Variants in DGKB observed in about 807,000 individuals in gnomAD.
DGKB encodes 90 kDa diacylglycerol kinase.
Under a neutral mutation model 114.3 loss-of-function variants are expected in DGKB, and 67 were observed. The ratio of observed to expected loss-of-function variants is 0.59; its 90% confidence interval spans 0.48 to 0.72. DGKB has a LOEUF of 0.72. DGKB is among the 30% of genes least tolerant of loss of function. The pLI is 0.00. For missense variants in DGKB, 907 were observed against 975.2 expected (o/e 0.93, Z 0.93); for synonymous variants, 398 against 323.1 (o/e 1.23, Z -2.49).
chr7:14,724,577 G>A (rs1006092246), intron 5 of DGKB, among the ~76,000 whole-genome samples: 5 of 152,178 alleles, frequency 3.3e-5, no homozygotes, highest in Non-Finnish European at 7.3e-5. Flanking sequence ...ACAGGGAGAA[G>A]GACTTAAAGT....
chr7:14,455,686 C>G (rs1032380304), intron 21 of DGKB, among the ~76,000 whole-genome samples: 3 of 151,902 alleles, frequency 2.0e-5, no homozygotes, highest in Admixed American at 6.6e-5. Flanking sequence ...GTAATTGAGT[C>G]GGAACATTTA....
At chr7:14,535,350 CAG>C (rs1792267210) in intron 20 of DGKB, among the ~76,000 whole-genome samples, 1 of 137,974 alleles carries the variant, frequency 7.2e-6, no homozygotes, top group Non-Finnish European at 1.5e-5. Flanking sequence ...GCCTGGGTGA[CAG>C]AGTAAGGCCC....
intron 2 of DGKB, among the ~76,000 whole-genome samples, chr7:14,773,063 A>G (rs1837650555): frequency 6.6e-6 from 1 of 152,158 alleles, no homozygotes; most frequent in African/African-American, 2.4e-5. Flanking sequence ...TTAACATATT[A>G]TTTATTCTTC....
At chr7:14,839,526 C>T (rs995141481) in intron 2 of DGKB, among the ~76,000 whole-genome samples, 1 of 151,304 alleles carries the variant, frequency 6.6e-6, no homozygotes, top group Non-Finnish European at 1.5e-5. Flanking sequence ...CTCAGCCTGC[C>T]AAGTAGCTGG....
At chr7:14,923,898 G>C (rs12154327) in intron 1 of DGKB, among the ~76,000 whole-genome samples, 5,364 of 148,166 alleles carry the variant, frequency 0.036, 145 homozygotes, top group Non-Finnish European at 0.05. Context: ...GGGAGGCTGA[G>C]GCAGGAGAAT....
intron 17 of DGKB, among the ~76,000 whole-genome samples, chr7:14,593,128 C>T (rs1176948985): frequency 1.3e-5 from 2 of 151,822 alleles, no homozygotes; most frequent in Admixed American, 1.3e-4. Context: ...TTCCAGTGGG[C>T]CATTAATAAC....
intron 13 of DGKB, among the ~76,000 whole-genome samples, chr7:14,646,423 A>C (rs1436474646): frequency 1.3e-5 from 2 of 152,154 alleles, no homozygotes; most frequent in Non-Finnish European, 2.9e-5. Flanking sequence ...ATTGAGTATT[A>C]GACAGATAAT....
chr7:14,706,221 G>A (rs1414508598), intron 6 of DGKB, among the ~76,000 whole-genome samples: 1 of 144,950 alleles, frequency 6.9e-6, no homozygotes, highest in Non-Finnish European at 1.5e-5. Context: ...GACAAAGAAG[G>A]CCATTACATA....
intron 21 of DGKB, among the ~76,000 whole-genome samples, chr7:14,389,776 C>T (rs7793134): frequency 0.013 from 2,034 of 152,288 alleles, 49 homozygotes; most frequent in African/African-American, 0.046. Flanking sequence ...TCTAGTCAGC[C>T]TTCTGGCTAT....
chr7:14,683,560 G>C (rs1821191245), intron 10 of DGKB, among the ~76,000 whole-genome samples: 2 of 151,984 alleles, frequency 1.3e-5, no homozygotes, highest in African/African-American at 4.8e-5. Context: ...ATTCTTTATG[G>C]TTTGAGTCTG....
Position 14,147,006 on chromosome 7 carries a change from C to A in DGKB, c.*2125G>T, listed in dbSNP as rs563925535. The A allele has an allele frequency of 6.6e-5, 10 of 152,138 alleles. No individual in the cohort carries two copies. The East Asian group carries it at 1.9e-3, about 29-fold the overall frequency. 9.4% of individuals were successfully genotyped at this position (152,138 alleles called of 1,614,324 possible). ...GCCAAGACATAATTGTATGTTGTAG[C>A]GAACATAAAATAATTTGTGGCTTCA... On this transcript the variant is annotated 3_prime_UTR_variant, in exon 26 of 26. Coordinates refer to ENST00000402815, the MANE Select transcript of DGKB (RefSeq NM_001350709.2).
intron 1 of DGKB, among the ~76,000 whole-genome samples, chr7:14,930,279 G>A (rs1434748811): frequency 2.0e-5 from 3 of 151,990 alleles, no homozygotes; most frequent in Admixed American, 6.6e-5. Context: ...TTTTGATAGG[G>A]ATTGCATTAA....
At chr7:14,428,733 A>G (rs1827968455) in intron 21 of DGKB, among the ~76,000 whole-genome samples, 1 of 152,082 alleles carries the variant, frequency 6.6e-6, no homozygotes, top group Non-Finnish European at 1.5e-5. Flanking sequence ...GTGATTGTGT[A>G]AGTGTGTATG....
chr7:14,296,743 C>A (rs1802632193), intron 23 of DGKB, among the ~76,000 whole-genome samples: 1 of 126,816 alleles, frequency 7.9e-6, no homozygotes. Flanking sequence ...TTAAAAAAAT[C>A]AGTGAATCCA....
chr7:14,931,254 G>A (rs1785004022), intron 1 of DGKB, among the ~76,000 whole-genome samples: 1 of 151,982 alleles, frequency 6.6e-6, no homozygotes, highest in Non-Finnish European at 1.5e-5. Context: ...TGGGATTACA[G>A]GCGTGCGCCT....
At chr7:14,256,279 C>T (rs1017759738) in intron 23 of DGKB, among the ~76,000 whole-genome samples, 1 of 151,786 alleles carries the variant, frequency 6.6e-6, no homozygotes, top group Non-Finnish European at 1.5e-5. Context: ...TTCTTCTTTC[C>T]TGGGACTTCT....
chr7:14,944,723 G>A lies in DGKB; in HGVS notation c.-188+29973C>T, dbSNP rs574013858. 2.4e-4 allele frequency among the ~76,000 whole-genome samples: 36 copies of A among 151,754 alleles called. No individual in the cohort carries two copies. In the East Asian group the frequency reaches 5.8e-3, roughly 25 times the overall value. On this transcript the variant is annotated intron_variant, in intron 1 of 4. Transcript: ENST00000437998. ...TACTCATAGGGACATCTCATAGGTAGAGGCCATGCTAACTAGCCTACAATG... is the reference window on the plus strand; with the variant it reads ...TACTCATAGGGACATCTCATAGGTAAAGGCCATGCTAACTAGCCTACAATG...
chr7:14,596,665 G>A (rs1802633279), intron 17 of DGKB, among the ~76,000 whole-genome samples: 1 of 152,118 alleles, frequency 6.6e-6, no homozygotes, highest in African/African-American at 2.4e-5. Context: ...CTAGTCACTA[G>A]GTAAAGTGTG....
chr7:14,637,645 T>C (rs1263550078), intron 13 of DGKB, among the ~76,000 whole-genome samples: 3 of 151,646 alleles, frequency 2.0e-5, no homozygotes, highest in East Asian at 1.9e-4. Context: ...TATATATATA[T>C]GCATGTTGTA....
Sources: gnomAD v4.1 joint callset for allele counts (sites outside exome capture counted in the v4.1 genomes callset) on GRCh38, gnomAD v4.1.1 for gene constraint, MANE v1.5 for transcripts, NCBI Gene and HGNC (gene_info 2026-07-23, HGNC 2026-07-21) for gene names.